The following MOCS1 variants were observed in gnomAD, a reference collection of about 807,000 sequenced individuals.
MOCS1 encodes the protein molybdenum cofactor synthesis 1.
MOCS1 carries 39 observed loss-of-function variants against 57.6 expected under a neutral mutation model. That is an observed-to-expected ratio of 0.68 (90% confidence interval 0.52 to 0.88). MOCS1 has a LOEUF of 0.88. Among genes scored for constraint, MOCS1 ranks in the 40% least tolerant of loss-of-function variants. The pLI is 0.00. For missense variants in MOCS1, 795 were observed against 831.1 expected, an observed-to-expected ratio of 0.96 and a Z score of 0.53; for synonymous variants, 334 against 335.7, an observed-to-expected ratio of 1.00 and a Z score of 0.05.
chr6:39,922,895 C>T (rs1247023732), intron 3 of MOCS1, among the ~76,000 whole-genome samples: 2 of 152,226 alleles, frequency 1.3e-5, no homozygotes, highest in Non-Finnish European at 2.9e-5. Flanking sequence ...CTGGCCCTGA[C>T]TTCTGTTCTC....
Position 39,913,783 on chromosome 6 carries a change from G to A in MOCS1, c.636C>T (p.Asn212=). ...GIHKAIELGY[N]PVKVNCVVMR... ...AGGGGCACGGCCTCACCTTCACAGGGTTGTAGCCCAGCTCGATGGCCTTGT... is the reference window on the plus strand; with the variant it reads ...AGGGGCACGGCCTCACCTTCACAGGATTGTAGCCCAGCTCGATGGCCTTGT... The change falls in exon 5 of 11, where the codon AAC becomes AAT. Residue 212 remains asparagine, a synonymous_variant. Coordinates refer to ENST00000340692, the MANE Select transcript of MOCS1 (RefSeq NM_001358530.2). 1 of 1,614,208 alleles carries A rather than the reference G, an allele frequency of 6.2e-7. No homozygotes were observed. Among genetic ancestry groups the A allele is most frequent in the East Asian group, 2.2e-5 (1 of 44,864 alleles).
chr6:39,905,213 C>CTAAT lies in MOCS1; in HGVS notation c.*1140_*1143dup, dbSNP rs974640406. On this transcript the variant is annotated 3_prime_UTR_variant, in exon 11 of 11. Coordinates refer to ENST00000340692, the MANE Select transcript of MOCS1 (RefSeq NM_001358530.2). Reference sequence around the variant, plus strand: ...TTTGGGATGTGAGAACCAGGAGCCTCTAATTAATTGCCCTCTCTGATCTCT... The same window carrying CTAAT: ...TTTGGGATGTGAGAACCAGGAGCCTCTAATTAATTAATTGCCCTCTCTGATCTCT... 9 of 454,286 alleles carry CTAAT rather than the reference C, an allele frequency of 2.0e-5. No homozygotes were observed. Among genetic ancestry groups the CTAAT allele is most frequent in the Admixed American group, 4.7e-5 (2 of 42,582 alleles). 28.1% of individuals were successfully genotyped at this position (454,286 alleles called of 1,614,324 possible).
At chr6:39,913,089 C>G in intron 6 of MOCS1, 85 bp from the exon 7 acceptor site, 1 of 1,080,236 alleles carries the variant, frequency 9.3e-7, no homozygotes, top group Admixed American at 1.7e-5. Context: ...TCCCCTGCCA[C>G]AGCATAGCAA....
At chr6:39,921,060 T>G in intron 3 of MOCS1, among the ~76,000 whole-genome samples, 1 of 146,884 alleles carries the variant, frequency 6.8e-6, no homozygotes, top group African/African-American at 2.5e-5. Context: ...GGCAGTGGGG[T>G]GGGGGCAGGG....
At chr6:39,933,043 G>C (rs1175810173) in intron 1 of MOCS1, among the ~76,000 whole-genome samples, 2 of 152,056 alleles carry the variant, frequency 1.3e-5, no homozygotes, top group African/African-American at 4.8e-5. Context: ...CACACAGGGA[G>C]GACGGAAAAG....
chr6:39,930,227 G>A (rs896223542), intron 1 of MOCS1, among the ~76,000 whole-genome samples: 7 of 151,960 alleles, frequency 4.6e-5, no homozygotes, highest in South Asian at 2.1e-4. Context: ...GTCTCCTGGA[G>A]GAAAAAAATA....
chr6:39,911,222 C>T (rs1767306632), intron 8 of MOCS1, among the ~76,000 whole-genome samples: 1 of 152,204 alleles, frequency 6.6e-6, no homozygotes, highest in Non-Finnish European at 1.5e-5. Context: ...TCCGTATCTC[C>T]AGCCCAGAAA....
At chr6:39,933,876 T>TCG (rs1768770398) in intron 1 of MOCS1, among the ~76,000 whole-genome samples, 1 of 152,096 alleles carries the variant, frequency 6.6e-6, no homozygotes, top group Non-Finnish European at 1.5e-5. Flanking sequence ...GTTTAGTCAG[T>TCG]CGCACTATGA....
intron 4 of MOCS1, among the ~76,000 whole-genome samples, chr6:39,915,743 C>T (rs892269616): frequency 1.3e-5 from 2 of 152,078 alleles, no homozygotes; most frequent in African/African-American, 2.4e-5. Flanking sequence ...CAGAGCTCAT[C>T]GTAGAATGAC....
chr6:39,906,847 C>A lies in MOCS1; in HGVS notation c.1421G>T (p.Gly474Val). ...PGSWASAAPS[G>V]PQLTSEQLTH... ...TAGTTGTTCTGAGGTTAGCTGGGGT[C>A]CTGAGGGGGCAGCAGAAGCCCAGGA... Residue 474 changes from glycine to valine, a missense_variant, in exon 11 of 11, where the codon GGA becomes GTA. Around this residue, in one of 3 missense-constraint regions of MOCS1, gnomAD observed 374 missense variants for 422.6 expected, o/e 0.89. Coordinates refer to ENST00000340692, the MANE Select transcript of MOCS1 (RefSeq NM_001358530.2). The A allele has an allele frequency of 6.2e-7, 1 of 1,614,190 alleles. No homozygotes were observed. Among genetic ancestry groups the A allele is most frequent in the Non-Finnish European group, 8.5e-7 (1 of 1,180,044 alleles).
intron 3 of MOCS1, among the ~76,000 whole-genome samples, chr6:39,919,688 C>A (rs1767857275): frequency 6.6e-6 from 1 of 151,916 alleles, no homozygotes; most frequent in African/African-American, 2.4e-5. Context: ...ACAAATGGAC[C>A]AACAGAACAA....
intron 1 of MOCS1, 138 bp downstream of exon 1, chr6:39,934,157 T>G (rs2149429140): frequency 8.3e-7 from 1 of 1,207,232 alleles, no homozygotes; most frequent in South Asian, 1.7e-5. Context: ...CTGGAGAACA[T>G]CGCTCCACTG....
intron 3 of MOCS1, among the ~76,000 whole-genome samples, chr6:39,924,251 G>A (rs913937696): frequency 2.0e-5 from 3 of 152,194 alleles, no homozygotes; most frequent in African/African-American, 7.2e-5. Context: ...CCCAAGGTAC[G>A]CTTCTTGTAA....
At position 39,915,965 on chromosome 6, in the gene MOCS1, C is replaced by T; in HGVS notation, c.583+103G>A. On this transcript the variant is annotated intron_variant, in intron 4 of 10. Coordinates refer to ENST00000340692, the MANE Select transcript of MOCS1 (RefSeq NM_001358530.2). ...TGCTTTGACTTACTGATAGCCCAGACACCAAGAGGAAGTGACCAGGCCCCT... is the reference window on the plus strand; with the variant it reads ...TGCTTTGACTTACTGATAGCCCAGATACCAAGAGGAAGTGACCAGGCCCCT... The T allele has an allele frequency of 5.4e-6, 7 of 1,304,724 alleles. No individual in the cohort carries two copies. The South Asian group carries it at 7.6e-5, about 14-fold the overall frequency. The allele number at this position is 1,304,724 out of a possible 1,614,324, so 80.8% of individuals were successfully genotyped here. A position where few individuals can be genotyped will look rare whatever the true frequency, so the allele number is the denominator to read the frequency against.
At position 39,905,444 on chromosome 6, in the gene MOCS1, T is replaced by C. The variant is rs1042437507; in HGVS notation, c.*913A>G. Reference sequence around the variant, plus strand: ...TGTGTCTTGGGATAGGATTGATTGATTGATTGATAGGTGCAGCCTTCCCTG... The same window carrying C: ...TGTGTCTTGGGATAGGATTGATTGACTGATTGATAGGTGCAGCCTTCCCTG... On this transcript the variant is annotated 3_prime_UTR_variant, in exon 11 of 11. Coordinates refer to ENST00000340692, the MANE Select transcript of MOCS1 (RefSeq NM_001358530.2). The C allele has an allele frequency of 1.3e-5, 6 of 470,862 alleles. No individual in the cohort carries two copies. The highest frequency in any genetic ancestry group is 2.6e-5 in the Non-Finnish European group (6 of 227,074). 29.2% of individuals were successfully genotyped at this position (470,862 alleles called of 1,614,324 possible). A position where few individuals can be genotyped will look rare whatever the true frequency, so the allele number is the denominator to read the frequency against.
At position 39,904,498 on chromosome 6, in the gene MOCS1, A is replaced by G. The variant is rs1766688970; in HGVS notation, c.*1859T>C. On this transcript the variant is annotated 3_prime_UTR_variant, in exon 11 of 11. Transcript: ENST00000340692. Reference sequence around the variant, plus strand: ...CTGCCACCTTTAGATAAGTTTCTCTAGCTAATTTTGTGGCCAATGTAAAAT... The same window carrying G: ...CTGCCACCTTTAGATAAGTTTCTCTGGCTAATTTTGTGGCCAATGTAAAAT... The G allele has an allele frequency of 2.2e-6, 1 of 454,268 alleles. No individual in the cohort carries two copies. Among genetic ancestry groups the G allele is most frequent in the Admixed American group, 2.3e-5 (1 of 42,560 alleles). 28.1% of individuals were successfully genotyped at this position (454,268 alleles called of 1,614,324 possible).
At chr6:39,917,599 A>G (rs1767735539) in intron 3 of MOCS1, among the ~76,000 whole-genome samples, 1 of 152,182 alleles carries the variant, frequency 6.6e-6, no homozygotes, top group East Asian at 1.9e-4. Flanking sequence ...CTCAGGCACT[A>G]AGATGAGTAC....
chr6:39,906,060 AG>A lies in MOCS1; in HGVS notation c.*296del, dbSNP rs958520495. The A allele has an allele frequency of 3.3e-6, 2 of 606,334 alleles. No individual in the cohort carries two copies. The highest frequency in any genetic ancestry group is 3.7e-5 in the African/African-American group (2 of 54,722). The allele number at this position is 606,334 out of a possible 1,614,324, so 37.6% of individuals were successfully genotyped here. ...CCTGGTTGTCTGAAATAGTCCACAA[AG>A]AACATGATTTCTCAGTTATCTGGCA... On this transcript the variant is annotated 3_prime_UTR_variant, in exon 11 of 11. Transcript: ENST00000340692.
chr6:39,911,052 A>G (rs1206598286), intron 8 of MOCS1, among the ~76,000 whole-genome samples: 1 of 152,168 alleles, frequency 6.6e-6, no homozygotes, highest in Admixed American at 6.5e-5. Flanking sequence ...TGGGAACAGC[A>G]CTTTGCTGCT....
Sources: gnomAD v4.1 joint callset for allele counts (sites outside exome capture counted in the v4.1 genomes callset) on GRCh38, gnomAD v4.1.1 for gene constraint, gnomAD v4.1.1 regional missense constraint, MANE v1.5 for transcripts, NCBI Gene and HGNC (gene_info 2026-07-23, HGNC 2026-07-21) for gene names.